SNX29: variants seen among roughly 807,000 people sequenced by gnomAD.
SNX29 encodes sorting nexin-29.
SNX29 carries 78 observed loss-of-function variants against 102.1 expected under a neutral mutation model. The ratio of observed to expected loss-of-function variants is 0.76; its 90% CI spans 0.64 to 0.92. The LOEUF is 0.92. Ranked by LOEUF, SNX29 falls within the 40% of genes least tolerant of loss-of-function variation. The pLI is 0.00. For synonymous variants in SNX29, 580 were observed against 414.5 expected (o/e 1.40, Z -4.85); for missense variants, 1,280 against 1,061.7 (o/e 1.21, Z -2.86).
chr16:12,281,985 TG>T (rs1224549239), intron 15 of SNX29, among the ~76,000 whole-genome samples: 1 of 147,302 alleles, frequency 6.8e-6, no homozygotes, highest in Non-Finnish European at 1.5e-5. Context: ...CTTGGGAGGC[TG>T]AGGCAGAGAA....
At chr16:12,346,906 G>T (rs1419941622) in intron 15 of SNX29, among the ~76,000 whole-genome samples, 1 of 152,116 alleles carries the variant, frequency 6.6e-6, no homozygotes, top group African/African-American at 2.4e-5. Context: ...AAGGCCACAT[G>T]TCGGGAGAAA....
intron 20 of SNX29, among the ~76,000 whole-genome samples, chr16:12,531,298 TG>T (rs2076926090): frequency 6.6e-6 from 1 of 152,206 alleles, no homozygotes; most frequent in Admixed American, 6.5e-5. Flanking sequence ...TCTTGGTCTC[TG>T]GGGGCTGGAG....
At chr16:12,215,689 G>T (rs972271625) in intron 14 of SNX29, among the ~76,000 whole-genome samples, 2 of 152,184 alleles carry the variant, frequency 1.3e-5, no homozygotes, top group African/African-American at 4.8e-5. Flanking sequence ...TTTGAGGTAC[G>T]TGCTGTACCC....
chr16:12,398,728 G>C (rs1413083708), intron 17 of SNX29, among the ~76,000 whole-genome samples: 1 of 115,580 alleles, frequency 8.7e-6, no homozygotes. Flanking sequence ...TTTTTTTTTT[G>C]GCTGACATTT....
chr16:12,481,178 G>A (rs2087889696), intron 19 of SNX29, among the ~76,000 whole-genome samples: 1 of 151,982 alleles, frequency 6.6e-6, no homozygotes, highest in Non-Finnish European at 1.5e-5. Context: ...CATCTTAGTG[G>A]GCCTGGCCCA....
chr16:12,078,716 C>A, intron 10 of SNX29, 117 bp from the exon 11 acceptor site: 1 of 832,778 alleles, frequency 1.2e-6, no homozygotes, highest in South Asian at 1.4e-5. Context: ...CCAATGACTG[C>A]CTCTATCCCT....
intron 11 of SNX29, among the ~76,000 whole-genome samples, chr16:12,082,202 G>A (rs2051934091): frequency 6.6e-6 from 1 of 152,082 alleles, no homozygotes; most frequent in Non-Finnish European, 1.5e-5. Flanking sequence ...TTGATTTATG[G>A]GCATTTTTTT....
chr16:12,048,715 G>A, intron 7 of SNX29, 95 bp downstream of exon 7: 43 of 1,597,658 alleles, frequency 2.7e-5, no homozygotes, highest in Non-Finnish European at 3.6e-5. Flanking sequence ...ATTCCAAGGG[G>A]AATGGAGTCC....
rs138347477 is a variant in SNX29, at chr16:12,278,228, C to T, written c.1782+192C>T. On this transcript the variant is annotated intron_variant, in intron 15 of 20. Coordinates refer to ENST00000566228, the MANE Select transcript of SNX29 (RefSeq NM_032167.5). ...TATGAGCTGATCCTTTGAAAAATGTCACTTAAATATTGGAACTTTTTGGCA... is the reference window on the plus strand; with the variant it reads ...TATGAGCTGATCCTTTGAAAAATGTTACTTAAATATTGGAACTTTTTGGCA... Among the ~76,000 whole-genome samples, 126 of 152,250 alleles carry T rather than the reference C, an allele frequency of 8.3e-4. 2 individuals are homozygous for T. In the East Asian group the frequency reaches 0.023, roughly 27 times the overall value.
intron 14 of SNX29, among the ~76,000 whole-genome samples, chr16:12,246,194 G>A (rs1380128988): frequency 6.6e-6 from 1 of 152,116 alleles, no homozygotes; most frequent in Non-Finnish European, 1.5e-5. Context: ...TATTAACATG[G>A]AAATAAGGTC....
intron 8 of SNX29, among the ~76,000 whole-genome samples, chr16:12,055,415 G>C (rs1244807917): frequency 6.6e-6 from 1 of 152,038 alleles, no homozygotes; most frequent in Non-Finnish European, 1.5e-5. Context: ...GATTTTAGTA[G>C]AGATGGGGTT....
intron 18 of SNX29, among the ~76,000 whole-genome samples, chr16:12,423,994 G>A (rs1434964833): frequency 6.6e-6 from 1 of 152,226 alleles, no homozygotes; most frequent in African/African-American, 2.4e-5. Context: ...TGAGGTCCAT[G>A]AAGTGAAGTT....
At chr16:12,004,606 T>G (rs1466208815) in intron 3 of SNX29, among the ~76,000 whole-genome samples, 3 of 152,184 alleles carry the variant, frequency 2.0e-5, no homozygotes, top group Non-Finnish European at 2.9e-5. Context: ...AATGTTCATC[T>G]CATCCTGGAA....
intron 16 of SNX29, among the ~76,000 whole-genome samples, chr16:12,357,808 C>T (rs2082183846): frequency 6.6e-6 from 1 of 152,174 alleles, no homozygotes. Flanking sequence ...CTCTCTCTCC[C>T]CTTCTCTCTC....
At chr16:12,333,296 G>A (rs2081350513) in intron 15 of SNX29, among the ~76,000 whole-genome samples, 2 of 151,684 alleles carry the variant, frequency 1.3e-5, no homozygotes, top group Non-Finnish European at 2.9e-5. Flanking sequence ...TAGTAGAGAT[G>A]GGATTTCACC....
At position 12,122,122 on chromosome 16, in the gene SNX29, G is replaced by A. The variant is rs114299221; in HGVS notation, c.1403-4511G>A. Reference sequence around the variant, plus strand: ...TGAGCCACTGTGCCCGGCCAGGATGGGTTTATTAAACTGGTCTTTTGAGCA... The same window carrying A: ...TGAGCCACTGTGCCCGGCCAGGATGAGTTTATTAAACTGGTCTTTTGAGCA... On this transcript the variant is annotated intron_variant, in intron 11 of 20. Transcript: ENST00000566228. Among the ~76,000 whole-genome samples, 524 of 152,226 alleles carry A rather than the reference G, an allele frequency of 3.4e-3. 5 individuals carry two copies. Among genetic ancestry groups the A allele is most frequent in the African/African-American group, 0.012 (478 of 41,538 alleles).
At chr16:12,391,662 T>C (rs2083534471) in intron 16 of SNX29, among the ~76,000 whole-genome samples, 1 of 152,198 alleles carries the variant, frequency 6.6e-6, no homozygotes, top group Non-Finnish European at 1.5e-5. Flanking sequence ...TCCATCATTT[T>C]ATCTTTTTTG....
intron 18 of SNX29, among the ~76,000 whole-genome samples, chr16:12,431,372 T>C (rs1399811394): frequency 6.6e-6 from 1 of 152,068 alleles, no homozygotes; most frequent in Non-Finnish European, 1.5e-5. Flanking sequence ...ATTAGATTTA[T>C]TATATTGTGA....
At chr16:12,226,747 G>T (rs1295160718) in intron 14 of SNX29, among the ~76,000 whole-genome samples, 5 of 151,890 alleles carry the variant, frequency 3.3e-5, no homozygotes, top group Non-Finnish European at 7.4e-5. Context: ...CTAATTTTTT[G>T]TGTGTATTTT....
Sources: gnomAD v4.1 joint callset for allele counts (sites outside exome capture counted in the v4.1 genomes callset) on GRCh38, gnomAD v4.1.1 for gene constraint, MANE v1.5 for transcripts, NCBI Gene and HGNC (gene_info 2026-07-23, HGNC 2026-07-21) for gene names.